Variants in ZC3HAV1 observed in about 807,000 individuals in gnomAD.
ZC3HAV1 encodes zinc finger CCCH-type antiviral protein 1.
In ZC3HAV1, 41 loss-of-function variants were observed where a neutral mutation model predicts 86.6. The ratio of observed to expected loss-of-function variants is 0.47; its 90% CI spans 0.37 to 0.61. ZC3HAV1 has a LOEUF of 0.61. ZC3HAV1 is among the 20% of genes least tolerant of loss of function. ZC3HAV1 has a pLI of 0.00. For synonymous variants in ZC3HAV1, 421 were observed against 432.1 expected, an observed-to-expected ratio of 0.97 and a Z score of 0.32; for missense variants, 964 against 1,141.1, an observed-to-expected ratio of 0.84 and a Z score of 2.24.
rs575252206 is a variant in ZC3HAV1 at position 139,061,148 on chromosome 7, G to GA, written c.1994-11dup. 1,301 of 1,544,294 alleles carry GA rather than the reference G, an allele frequency of 8.4e-4. No homozygotes were observed. Among genetic ancestry groups the GA allele is most frequent in the African/African-American group, 3.1e-3 (224 of 71,506 alleles). On this transcript the variant is annotated splice_polypyrimidine_tract_variant and intron_variant, in intron 8 of 12. Coordinates refer to ENST00000242351, the MANE Select transcript of ZC3HAV1 (RefSeq NM_020119.4). Reference sequence around the variant, plus strand: ...TTTGTCTGAATCATCCCTTTGGACAGAAAAAAAAATAAAAGCAGTGAGAAT... The same window carrying GA: ...TTTGTCTGAATCATCCCTTTGGACAGAAAAAAAAAATAAAAGCAGTGAGAAT...
At chr7:139,073,773 G>A in intron 7 of ZC3HAV1, 83 bp downstream of exon 7, 1 of 1,402,490 alleles carries the variant, frequency 7.1e-7, no homozygotes, top group Non-Finnish European at 9.5e-7. Context: ...TTACAGGCAT[G>A]AGCCACCGTG....
intron 1 of ZC3HAV1, among the ~76,000 whole-genome samples, chr7:139,097,420 A>ATTTTTTTTT (rs1563140627): frequency 1.3e-5 from 1 of 79,170 alleles, no homozygotes; most frequent in Non-Finnish European, 2.2e-5. Flanking sequence ...ATATATATAT[A>ATTTTTTTTT]TATATATATT....
At chr7:139,070,569 C>A (rs965403557) in intron 7 of ZC3HAV1, among the ~76,000 whole-genome samples, 3 of 147,242 alleles carry the variant, frequency 2.0e-5, no homozygotes, top group Non-Finnish European at 3.0e-5. Context: ...GAGGCTGAGG[C>A]AGGAGAATGG....
chr7:139,101,692 T>G (rs573221257), intron 1 of ZC3HAV1, among the ~76,000 whole-genome samples: 21 of 151,262 alleles, frequency 1.4e-4, no homozygotes, highest in African/African-American at 3.9e-4. Flanking sequence ...GGGATGCTGT[T>G]GATCTATGAC....
chr7:139,054,199 CT>C, intron 10 of ZC3HAV1, 104 bp from the exon 11 acceptor site: 4 of 1,192,592 alleles, frequency 3.4e-6, no homozygotes, highest in Non-Finnish European at 4.5e-6. Flanking sequence ...TACCAGGGTT[CT>C]TTCTAACAGC....
intron 3 of ZC3HAV1, among the ~76,000 whole-genome samples, chr7:139,082,612 T>G (rs561949677): frequency 2.0e-5 from 3 of 152,294 alleles, no homozygotes; most frequent in Admixed American, 6.5e-5. Context: ...CATCGACAGA[T>G]GAATGGATAA....
chr7:139,085,507 A>C (rs1007808783), intron 2 of ZC3HAV1, among the ~76,000 whole-genome samples: 1 of 152,226 alleles, frequency 6.6e-6, no homozygotes, highest in African/African-American at 2.4e-5. Context: ...GGTTACCTCC[A>C]GTATTTTAAC....
At chr7:139,057,366 A>AG (rs1427639518) in intron 9 of ZC3HAV1, among the ~76,000 whole-genome samples, 3 of 92,478 alleles carry the variant, frequency 3.2e-5, no homozygotes, top group Non-Finnish European at 6.7e-5. Flanking sequence ...CAAAGAAAAA[A>AG]AAAATTTAGA....
chr7:139,053,674 ATTTCACTCCATCAGC>A (rs1382898809), intron 11 of ZC3HAV1, 93 bp from the exon 12 acceptor site: 1 of 1,451,900 alleles, frequency 6.9e-7, no homozygotes, highest in African/African-American at 1.4e-5. Flanking sequence ...TCATCTAAAA[ATTTCACTCCATCAGC>A]TTTCACAACG....
chr7:139,082,007 G>A (rs894577734), intron 3 of ZC3HAV1, among the ~76,000 whole-genome samples: 1 of 152,224 alleles, frequency 6.6e-6, no homozygotes, highest in African/African-American at 2.4e-5. Flanking sequence ...GCTTACGCCT[G>A]TAATCCCAGC....
At chr7:139,097,755 T>C (rs1479107469) in intron 1 of ZC3HAV1, among the ~76,000 whole-genome samples, 3 of 151,606 alleles carry the variant, frequency 2.0e-5, no homozygotes, top group East Asian at 2.0e-4. Context: ...TATTTCTTAA[T>C]GTAAAAAAAT....
chr7:139,061,504 G>A (rs889193313), intron 8 of ZC3HAV1, among the ~76,000 whole-genome samples: 8 of 152,190 alleles, frequency 5.3e-5, no homozygotes, highest in Admixed American at 2.0e-4. Flanking sequence ...TGTCTTGAAG[G>A]GTTCTTTTCT....
In ZC3HAV1 at chr7:139,046,155, G is replaced by C. The variant is rs189167788; in HGVS notation, c.*1439C>G. ...AGGAAGGAAATATTGGTCCAAGCAC[G>C]TCAAGGGCTCTAAGTAAAAACCGAT... On this transcript the variant is annotated 3_prime_UTR_variant, in exon 13 of 13. Coordinates refer to ENST00000242351, the MANE Select transcript of ZC3HAV1 (RefSeq NM_020119.4). 1 of 152,084 alleles carries C rather than the reference G, an allele frequency of 6.6e-6. No individual in the cohort carries two copies. The highest frequency in any genetic ancestry group is 1.5e-5 in the Non-Finnish European group (1 of 68,018). The allele number at this position is 152,084 out of a possible 1,614,324, so 9.4% of individuals were successfully genotyped here.
At chr7:139,060,709 C>T (rs990779335) in intron 9 of ZC3HAV1, 1 of 923,432 alleles carries the variant, frequency 1.1e-6, no homozygotes, top group Non-Finnish European at 1.3e-6. Context: ...CACAGCAAAA[C>T]AAAAACCCAG....
chr7:139,079,041 C>A, intron 4 of ZC3HAV1: 5 of 1,517,824 alleles, frequency 3.3e-6, no homozygotes, highest in Non-Finnish European at 4.4e-6. Flanking sequence ...GAAAAACCAC[C>A]AGCCATAGCC....
At chr7:139,051,506 A>G (rs1816121905) in intron 12 of ZC3HAV1, among the ~76,000 whole-genome samples, 1 of 151,550 alleles carries the variant, frequency 6.6e-6, no homozygotes, top group Non-Finnish European at 1.5e-5. Context: ...TTCTGGGCTC[A>G]AGCAATTCTC....
rs144387332 is a variant in ZC3HAV1 at position 139,071,255 on chromosome 7, C to T, written c.1872+2601G>A. ...GGAATTACAGGTGCACGCCACCAAGCCCAGCTAATTTTCTGTGTGTATTTT... is the reference window on the plus strand; with the variant it reads ...GGAATTACAGGTGCACGCCACCAAGTCCAGCTAATTTTCTGTGTGTATTTT... On this transcript the variant is annotated intron_variant, in intron 7 of 12. Transcript: ENST00000242351. 4.0e-4 allele frequency among the ~76,000 whole-genome samples: 61 copies of T among 152,096 alleles called. 2 individuals are homozygous for T. The highest frequency in any genetic ancestry group is 1.4e-3 in the African/African-American group (57 of 41,486).
intron 1 of ZC3HAV1, among the ~76,000 whole-genome samples, chr7:139,103,358 C>T (rs1182825154): frequency 6.6e-6 from 1 of 151,182 alleles, no homozygotes; most frequent in Non-Finnish European, 1.5e-5. Context: ...ATCTTGGCCT[C>T]CCAAAGCACT....
intron 12 of ZC3HAV1, among the ~76,000 whole-genome samples, chr7:139,052,206 G>A (rs542923276): frequency 2.7e-5 from 4 of 149,770 alleles, no homozygotes; most frequent in Non-Finnish European, 1.5e-5. Context: ...GTGTACCTGC[G>A]CCATGTTGGT....
Sources: allele counts gnomAD v4.1 joint callset (sites outside exome capture counted in the v4.1 genomes callset), GRCh38; gene constraint gnomAD v4.1.1; transcripts MANE v1.5; gene names NCBI Gene and HGNC (gene_info 2026-07-23, HGNC 2026-07-21).